The following PPP1R14C variants were observed in gnomAD, a reference collection of about 807,000 sequenced individuals.
PPP1R14C encodes the protein protein phosphatase 1 regulatory inhibitor subunit 14C, also known as protein phosphatase 1 regulatory subunit 14C.
A neutral mutation model predicts 20.4 loss-of-function variants in PPP1R14C; 16 were observed. The ratio of observed to expected loss-of-function variants is 0.78; its 90% CI spans 0.53 to 1.19. The LOEUF (loss-of-function observed/expected upper bound fraction) is 1.19, where lower values mean the gene tolerates loss of function less well. Among genes scored for constraint, PPP1R14C ranks in the 50% most tolerant of loss-of-function variants. The pLI, the probability that PPP1R14C is intolerant of heterozygous loss-of-function variation, is 0.00. For synonymous variants in PPP1R14C, 91 were observed against 91.0 expected, an observed-to-expected ratio of 1.00 and a Z score of 0.00; for missense variants, 211 against 220.1, an observed-to-expected ratio of 0.96 and a Z score of 0.26.
intron 1 of PPP1R14C, among the ~76,000 whole-genome samples, chr6:150,171,061 C>T (rs781234021): frequency 5.9e-5 from 9 of 152,060 alleles, no homozygotes; most frequent in South Asian, 4.2e-4. Flanking sequence ...TCCATTGGAG[C>T]GGTACATTGG....
At position 150,233,542 on chromosome 6, in the gene PPP1R14C, G is replaced by A. The variant is rs141941501; in HGVS notation, c.424-15204G>A. Reference sequence around the variant, plus strand: ...ATCAAATTTGATAATTAGTCACCCCGTTTGTGGTGAATCTGTGAGTGATAG... The same window carrying A: ...ATCAAATTTGATAATTAGTCACCCCATTTGTGGTGAATCTGTGAGTGATAG... On this transcript the variant is annotated intron_variant, in intron 3 of 3. Transcript: ENST00000361131. Among the ~76,000 whole-genome samples, 781 of 152,246 alleles carry A rather than the reference G, an allele frequency of 5.1e-3. 12 individuals are homozygous for A. Among genetic ancestry groups the A allele is most frequent in the South Asian group, 0.032 (156 of 4,830 alleles).
intron 1 of PPP1R14C, among the ~76,000 whole-genome samples, chr6:150,171,012 C>T (rs1339463611): frequency 6.6e-6 from 1 of 151,906 alleles, no homozygotes; most frequent in Non-Finnish European, 1.5e-5. Context: ...TGCCCAGTCC[C>T]CCAACACAGC....
At chr6:150,179,656 A>AG (rs1312353821) in intron 1 of PPP1R14C, among the ~76,000 whole-genome samples, 161 of 152,080 alleles carry the variant, frequency 1.1e-3, no homozygotes, top group African/African-American at 3.4e-3. Context: ...AAAAAAAAAA[A>AG]GGGGATAATA....
chr6:150,170,642 C>T (rs1013071539), intron 1 of PPP1R14C, among the ~76,000 whole-genome samples: 2 of 152,018 alleles, frequency 1.3e-5, no homozygotes, highest in Non-Finnish European at 2.9e-5. Context: ...TTTTAAGCAC[C>T]CGTGATATCG....
rs534830652 is a variant in PPP1R14C at position 150,241,892 on chromosome 6, G to GA, written c.424-6845dup. 3.5e-3 allele frequency among the ~76,000 whole-genome samples: 522 copies of GA among 150,986 alleles called. 4 individuals carry two copies. Among genetic ancestry groups the GA allele is most frequent in the African/African-American group, 0.012 (486 of 41,268 alleles). On this transcript the variant is annotated intron_variant, in intron 3 of 3. Coordinates refer to ENST00000361131, the MANE Select transcript of PPP1R14C (RefSeq NM_030949.3). The stretch of plus-strand genomic sequence containing the variant: ...ACAGAGTGAGACTCTTGTCTCAAAA[G>GA]AAAAAAAAAGTGTCAGAATTGAATT...
At chr6:150,165,141 G>A (rs777134559) in intron 1 of PPP1R14C, among the ~76,000 whole-genome samples, 6 of 152,352 alleles carry the variant, frequency 3.9e-5, no homozygotes, top group Middle Eastern at 3.4e-3. Context: ...AGGAGACCTT[G>A]TATGTTTGGC....
intron 1 of PPP1R14C, among the ~76,000 whole-genome samples, chr6:150,164,358 A>G (rs904439149): frequency 6.6e-6 from 1 of 152,168 alleles, no homozygotes; most frequent in African/African-American, 2.4e-5. Context: ...GTGACTTTTG[A>G]GGCACAGAAG....
chr6:150,241,871 A>T (rs1778435209), intron 3 of PPP1R14C, among the ~76,000 whole-genome samples: 1 of 152,132 alleles, frequency 6.6e-6, no homozygotes, highest in Admixed American at 6.5e-5. Flanking sequence ...TGGGTGACAG[A>T]GTGAGACTCT....
chr6:150,149,930 A>G (rs1027481817), intron 1 of PPP1R14C, among the ~76,000 whole-genome samples: 1 of 152,102 alleles, frequency 6.6e-6, no homozygotes, highest in Admixed American at 6.5e-5. Flanking sequence ...CTCATTCTCT[A>G]TGTTTTGGTG....
At chr6:150,159,550 C>T (rs949946452) in intron 1 of PPP1R14C, among the ~76,000 whole-genome samples, 16 of 152,182 alleles carry the variant, frequency 1.1e-4, no homozygotes, top group East Asian at 9.7e-4. Flanking sequence ...TCAGCCAGTG[C>T]GCTGTCCTTC....
rs1582908445 is a variant in PPP1R14C at position 150,185,641 on chromosome 6, T to C, written c.307-29103T>C. Among the ~76,000 whole-genome samples, 1 of 152,112 alleles carries C rather than the reference T, an allele frequency of 6.6e-6. No homozygotes were observed. Among genetic ancestry groups the C allele is most frequent in the Non-Finnish European group, 1.5e-5 (1 of 68,038 alleles). Reference sequence around the variant, plus strand: ...GGCCTCCCTGTCTGTATTAGGAAGCTGATGATCATTTATTATTCCAGCAAG... The same window carrying C: ...GGCCTCCCTGTCTGTATTAGGAAGCCGATGATCATTTATTATTCCAGCAAG... On this transcript the variant is annotated intron_variant, in intron 1 of 3. Coordinates refer to ENST00000361131, the MANE Select transcript of PPP1R14C (RefSeq NM_030949.3). This position sits in a 1 kb window ranked among gnomAD's most constrained non-coding sequence, Gnocchi z 4.1.
intron 3 of PPP1R14C, among the ~76,000 whole-genome samples, chr6:150,232,362 C>T (rs1778305715): frequency 6.6e-6 from 1 of 152,150 alleles, no homozygotes; most frequent in African/African-American, 2.4e-5. Context: ...GTTATTTTCC[C>T]AAACTGTGGA....
At chr6:150,188,049 T>A (rs913403672) in intron 1 of PPP1R14C, among the ~76,000 whole-genome samples, 1 of 152,240 alleles carries the variant, frequency 6.6e-6, no homozygotes, top group Non-Finnish European at 1.5e-5. Context: ...AAAACTGAAG[T>A]AGAATATTAT....
chr6:150,229,858 G>A (rs1052758243), intron 3 of PPP1R14C, among the ~76,000 whole-genome samples: 4 of 152,068 alleles, frequency 2.6e-5, no homozygotes, highest in African/African-American at 4.8e-5. Flanking sequence ...CCTCTCGAAA[G>A]ATAAAAACAA....
At chr6:150,188,869 T>C (rs1777709209) in intron 1 of PPP1R14C, among the ~76,000 whole-genome samples, 1 of 151,650 alleles carries the variant, frequency 6.6e-6, no homozygotes, top group Non-Finnish European at 1.5e-5. Flanking sequence ...ATTTATTTAT[T>C]AATTTTTTAG....
chr6:150,157,565 A>G (rs975965372), intron 1 of PPP1R14C, among the ~76,000 whole-genome samples: 7 of 149,606 alleles, frequency 4.7e-5, no homozygotes, highest in African/African-American at 1.8e-4. Context: ...TTATCAAGAA[A>G]GAGCCTTATT....
chr6:150,208,703 C>T (rs1384647707), intron 1 of PPP1R14C, among the ~76,000 whole-genome samples: 3 of 152,092 alleles, frequency 2.0e-5, no homozygotes, highest in African/African-American at 4.8e-5. Flanking sequence ...TGAGTGATAG[C>T]GTTTGGCTTC....
chr6:150,157,730 T>C (rs1777320452), intron 1 of PPP1R14C, among the ~76,000 whole-genome samples: 1 of 152,192 alleles, frequency 6.6e-6, no homozygotes, highest in South Asian at 2.1e-4. Context: ...GACCCTGCCC[T>C]GGAGGGAACT....
intron 1 of PPP1R14C, among the ~76,000 whole-genome samples, chr6:150,205,519 G>A (rs867614594): frequency 3.9e-5 from 6 of 152,162 alleles, no homozygotes; most frequent in Non-Finnish European, 7.4e-5. Flanking sequence ...ATAAGAGTTC[G>A]TTTGTAAGAA....
Sources: allele counts gnomAD v4.1 joint callset (sites outside exome capture counted in the v4.1 genomes callset), GRCh38; gene constraint gnomAD v4.1.1; non-coding constraint Gnocchi (gnomAD v3.1); transcripts MANE v1.5; gene names NCBI Gene and HGNC (gene_info 2026-07-23, HGNC 2026-07-21).